Variants in HMCN2 observed in about 807,000 individuals in gnomAD.
HMCN2 encodes the protein hemicentin-2.
A neutral mutation model predicts 377.5 loss-of-function variants in HMCN2; 325 were observed. The observed-to-expected ratio is 0.86, with a 90% confidence interval of 0.79 to 0.94. The LOEUF is 0.94. Ranked by LOEUF, HMCN2 falls within the 40% of genes least tolerant of loss-of-function variation. The pLI is 0.00. For synonymous variants in HMCN2, 2,007 were observed against 2,046.8 expected (o/e 0.98, Z 0.53); for missense variants, 4,543 against 4,725.3 (o/e 0.96, Z 1.13).
intron 4 of HMCN2, among the ~76,000 whole-genome samples, chr9:130,293,279 G>GTTTTTTTTTTTTATTTTT (rs1835903149): frequency 1.8e-5 from 1 of 57,126 alleles, no homozygotes; most frequent in Non-Finnish European, 2.7e-5. Flanking sequence ...ACTCACTAAA[G>GTTTTTTTTTTTTATTTTT]TTTTTTTTTT....
In HMCN2 at chr9:130,390,994, G is replaced by C. The variant is rs946883490; in HGVS notation, c.9541G>C (p.Gly3181Arg). The C allele has an allele frequency of 1.0e-6, 1 of 987,152 alleles. No individual in the cohort carries two copies. Among genetic ancestry groups the C allele is most frequent in the East Asian group, 1.1e-4 (1 of 8,824 alleles). The allele number at this position is 987,152 out of a possible 1,614,324, so 61.1% of individuals were successfully genotyped here. A position where few individuals can be genotyped will look rare whatever the true frequency, so the allele number is the denominator to read the frequency against. Residue 3181 changes from glycine to arginine, a missense_variant, in exon 63 of 98, where the codon GGT becomes CGT. Physicochemically the swap from Gly to Arg is moderately radical, Grantham distance 125. Transcript: ENST00000683500. ...TCCCACAGAGAGCAGCGCGGTGCAC[G>C]GTGTGGTCTCCCGGGGGGGCCGCCT... Reference protein sequence around the residue: ...RMPVESSAVHGVVSRGGRLQL... With the variant: ...RMPVESSAVHRVVSRGGRLQL...
intron 22 of HMCN2, among the ~76,000 whole-genome samples, chr9:130,333,006 T>C (rs965697980): frequency 2.0e-5 from 3 of 151,804 alleles, no homozygotes; most frequent in East Asian, 1.9e-4. Flanking sequence ...GAGGGCAGTA[T>C]TGAGATGGTG....
chr9:130,283,765 T>G (rs1453594910), intron 1 of HMCN2, among the ~76,000 whole-genome samples: 1 of 152,244 alleles, frequency 6.6e-6, no homozygotes, highest in Non-Finnish European at 1.5e-5. Flanking sequence ...GTCTTATTGC[T>G]GAGGACAACC....
intron 95 of HMCN2, 91 bp from the exon 96 acceptor site, chr9:130,431,276 G>C: frequency 7.7e-7 from 1 of 1,298,208 alleles, no homozygotes; most frequent in Non-Finnish European, 1.1e-6. Flanking sequence ...CCAGAGCCCA[G>C]CGGGCAGGTG....
At chr9:130,276,801 T>G (rs982598205) in intron 1 of HMCN2, among the ~76,000 whole-genome samples, 27 of 152,106 alleles carry the variant, frequency 1.8e-4, no homozygotes, top group Non-Finnish European at 3.5e-4. Flanking sequence ...ACCCCTGCCC[T>G]TTAGAGATGG....
chr9:130,286,122 C>A, intron 3 of HMCN2, 66 bp from the exon 4 acceptor site: 1 of 463,086 alleles, frequency 2.2e-6, no homozygotes, highest in Non-Finnish European at 4.5e-6. Context: ...TGGTCGAGGT[C>A]CTGCTGCTCA....
In HMCN2 at chr9:130,361,525, G is replaced by T. The variant is rs1840385997; in HGVS notation, c.5951-483G>T. ...GGGAGAGGTTGGTTCTAAGAGCAGT[G>T]GGTAGCTGGGCAGAGGCCTGGGACC... On this transcript the variant is annotated intron_variant, in intron 38 of 97. Transcript: ENST00000683500. The surrounding 1 kb of genome is among the most constrained non-coding windows in gnomAD (Gnocchi z 4.8). Among the ~76,000 whole-genome samples, 1 of 152,190 alleles carries T rather than the reference G, an allele frequency of 6.6e-6. No individual in the cohort carries two copies. The highest frequency in any genetic ancestry group is 6.5e-5 in the Admixed American group (1 of 15,286).
rs1377932250 is a variant in HMCN2, at chr9:130,277,988, CGATCATCACCACCACCACCAT to C, written c.260-6614_260-6594del. ...ACCACCATCATCATCACCACCACCA[CGATCATCACCACCACCACCAT>C]CATCATCACCACCACCACGATCATC... On this transcript the variant is annotated intron_variant, in intron 1 of 97. Transcript: ENST00000683500. Among the ~76,000 whole-genome samples, 3 of 63,630 alleles carry C rather than the reference CGATCATCACCACCACCACCAT, an allele frequency of 4.7e-5. 1 individual carries two copies. Among genetic ancestry groups the C allele is most frequent in the Non-Finnish European group, 8.5e-5 (3 of 35,428 alleles). 41.7% of individuals were successfully genotyped at this position (63,630 alleles called of 152,430 possible).
chr9:130,276,615 A>C (rs1834709333), intron 1 of HMCN2, among the ~76,000 whole-genome samples: 1 of 152,114 alleles, frequency 6.6e-6, no homozygotes, highest in Non-Finnish European at 1.5e-5. Flanking sequence ...CTGGACACTG[A>C]AGAGGAGGCA....
chr9:130,403,310 G>A lies in HMCN2; in HGVS notation c.11995G>A (p.Gly3999Arg). 1 of 1,289,950 alleles carries A rather than the reference G, an allele frequency of 7.8e-7. No individual in the cohort carries two copies. Among genetic ancestry groups the A allele is most frequent in the Non-Finnish European group, 1.0e-6 (1 of 988,904 alleles). The allele number at this position is 1,289,950 out of a possible 1,614,324, so 79.9% of individuals were successfully genotyped here. ...PRPTITWQKE[G>R]LNVATGVSTQ... The stretch of plus-strand genomic sequence containing the variant: ...GCCGACCATCACCTGGCAGAAGGAA[G>A]GGCTCAACGTCGCTACTGGTGAGGG... The change falls in exon 79 of 98, where the codon GGG becomes AGG. Residue 3999 changes from glycine to arginine, a missense_variant. Around this residue, in one of 5 missense-constraint regions of HMCN2, gnomAD observed 1,073 missense variants for 1,319.5 expected, o/e 0.81. Transcript: ENST00000683500.
At chr9:130,382,516 G>A (rs1841784054) in intron 55 of HMCN2, among the ~76,000 whole-genome samples, 163 bp from the exon 56 acceptor site, 1 of 152,122 alleles carries the variant, frequency 6.6e-6, no homozygotes, top group South Asian at 2.1e-4. Flanking sequence ...AACCCTTTCT[G>A]TGCCCCCGAT....
In HMCN2 at chr9:130,428,855, T is replaced by A. The variant is rs1844551158; in HGVS notation, c.14197+366T>A. Among the ~76,000 whole-genome samples, 1 of 152,200 alleles carries A rather than the reference T, an allele frequency of 6.6e-6. No homozygotes were observed. The highest frequency in any genetic ancestry group is 2.4e-5 in the African/African-American group (1 of 41,432). On this transcript the variant is annotated intron_variant, in intron 93 of 97. Coordinates refer to ENST00000683500, the MANE Select transcript of HMCN2 (RefSeq NM_001291815.2). The surrounding 1 kb of genome is among the most constrained non-coding windows in gnomAD (Gnocchi z 5.0). ...CCAGCTAGAGACCACCTCTGAATCCTTCTTGACGCAGCAGCCCCTGCAGCC... is the reference window on the plus strand; with the variant it reads ...CCAGCTAGAGACCACCTCTGAATCCATCTTGACGCAGCAGCCCCTGCAGCC...
At chr9:130,289,589 A>G (rs1457510924) in intron 4 of HMCN2, among the ~76,000 whole-genome samples, 1 of 152,064 alleles carries the variant, frequency 6.6e-6, no homozygotes, top group African/African-American at 2.4e-5. Context: ...GGTTAACGAG[A>G]GCCCCTACCT....
rs1028760416 is a variant in HMCN2, at chr9:130,405,061, T to A, written c.12339+2T>A. 3 of 1,282,680 alleles carry A rather than the reference T, an allele frequency of 2.3e-6. No homozygotes were observed. In the African/African-American group the frequency reaches 4.6e-5, roughly 19 times the overall value. The allele number at this position is 1,282,680 out of a possible 1,614,324, so 79.5% of individuals were successfully genotyped here. Reference sequence around the variant, plus strand: ...GAGTTGCTGGTGAAGAACTTGGAGGTGAGGCACTGCCCCAAGGGGCACAGC... The same window carrying A: ...GAGTTGCTGGTGAAGAACTTGGAGGAGAGGCACTGCCCCAAGGGGCACAGC... On this transcript the variant is annotated splice_donor_variant, in intron 81 of 97. Coordinates refer to ENST00000683500, the MANE Select transcript of HMCN2 (RefSeq NM_001291815.2). LOFTEE classifies it high-confidence loss of function.
chr9:130,372,389 T>G lies in HMCN2; in HGVS notation c.7333T>G (p.Phe2445Val). 26 of 985,598 alleles carry G rather than the reference T, an allele frequency of 2.6e-5. No homozygotes were observed. Among genetic ancestry groups the G allele is most frequent in the Non-Finnish European group, 3.1e-5 (26 of 829,772 alleles). The allele number at this position is 985,598 out of a possible 1,614,324, so 61.1% of individuals were successfully genotyped here. The change falls in exon 47 of 98, where the codon TTC becomes GTC. Residue 2445 changes from phenylalanine to valine, a missense_variant. Physicochemically the swap from Phe to Val is conservative, Grantham distance 50. Transcript: ENST00000683500. ...SNEAGEARRN[F>V]SVEVLVPPSI... Reference sequence around the variant, plus strand: ...CGAGGCTGGGGAGGCACGGAGGAACTTCAGTGTGGAGGTGCTGGGTGCGTT... The same window carrying G: ...CGAGGCTGGGGAGGCACGGAGGAACGTCAGTGTGGAGGTGCTGGGTGCGTT...
chr9:130,310,101 C>T (rs1554938528), intron 15 of HMCN2, 40 bp downstream of exon 15: 3 of 485,876 alleles, frequency 6.2e-6, no homozygotes, highest in Non-Finnish European at 1.3e-5. Flanking sequence ...TGCCCATTCC[C>T]CTTTCCCAGC....
chr9:130,392,888 C>T (rs1398868873), intron 66 of HMCN2, among the ~76,000 whole-genome samples: 1 of 151,696 alleles, frequency 6.6e-6, no homozygotes, highest in Non-Finnish European at 1.5e-5. Context: ...CCCAGCTACT[C>T]GGGAGGCTGA....
rs1751988931 is a variant in HMCN2, at chr9:130,408,859, G to A, written c.12805G>A (p.Asp4269Asn). The A allele has an allele frequency of 7.8e-7, 1 of 1,289,820 alleles. No individual in the cohort carries two copies. Among genetic ancestry groups the A allele is most frequent in the Non-Finnish European group, 1.0e-6 (1 of 988,878 alleles). The allele number at this position is 1,289,820 out of a possible 1,614,324, so 79.9% of individuals were successfully genotyped here. A position where few individuals can be genotyped will look rare whatever the true frequency, so the allele number is the denominator to read the frequency against. ...AGTGCCGGACATCCACTGGATCAAA[G>A]ATGGCCTTCCACTGCGGGGCAGCCA... ...DPVPDIHWIK[D>N]GLPLRGSHLR... The change falls in exon 84 of 98, where the codon GAT becomes AAT. Residue 4269 changes from aspartate to asparagine, a missense_variant. Around this residue, in one of 5 missense-constraint regions of HMCN2, gnomAD observed 1,155 missense variants for 1,157.7 expected, o/e 1.00. Transcript: ENST00000683500.
chr9:130,314,926 G>A (rs1405291309), intron 15 of HMCN2, among the ~76,000 whole-genome samples: 1 of 152,030 alleles, frequency 6.6e-6, no homozygotes, highest in Non-Finnish European at 1.5e-5. Context: ...AGGCAGAGTG[G>A]GGGCCTTCAG....
Sources: gnomAD v4.1 joint callset for allele counts (sites outside exome capture counted in the v4.1 genomes callset) on GRCh38, gnomAD v4.1.1 for gene constraint, gnomAD v4.1.1 regional missense constraint, Gnocchi (gnomAD v3.1) non-coding constraint, MANE v1.5 for transcripts, NCBI Gene and HGNC (gene_info 2026-07-23, HGNC 2026-07-21) for gene names.